Variants in SBNO2 observed in about 807,000 individuals in gnomAD.
The protein encoded by SBNO2 is protein strawberry notch homolog 2.
A neutral mutation model predicts 146.3 loss-of-function variants in SBNO2; 89 were observed. The observed-to-expected ratio is 0.61, with a 90% confidence interval of 0.51 to 0.73. The LOEUF (loss-of-function observed/expected upper bound fraction) is 0.73. SBNO2 is among the 30% of genes least tolerant of loss of function. The probability of loss-of-function intolerance (pLI) is 0.00; values close to 1 mark genes in which losing one functional copy is unlikely to be tolerated. For missense variants in SBNO2, 2,092 were observed against 2,003.7 expected (o/e 1.04, Z -0.84); for synonymous variants, 1,147 against 892.6 (o/e 1.29, Z -5.08).
chr19:1,122,082 T>C (rs1053835147), intron 11 of SBNO2, 57 bp downstream of exon 11: 13 of 694,894 alleles, frequency 1.9e-5, no homozygotes, highest in Admixed American at 5.6e-5. Flanking sequence ...TCCATCCTCC[T>C]TTTCCCTCCG....
rs1481849732 is a variant in SBNO2 at position 1,144,571 on chromosome 19, G to C, written c.279+2738C>G. 6.6e-6 allele frequency among the ~76,000 whole-genome samples: 1 copy of C among 152,044 alleles called. No homozygotes were observed. Among genetic ancestry groups the C allele is most frequent in the Non-Finnish European group, 1.5e-5 (1 of 68,006 alleles). On this transcript the variant is annotated intron_variant, in intron 4 of 31. Transcript: ENST00000361757. The surrounding 1 kb of genome is among the most constrained non-coding windows in gnomAD (Gnocchi z 4.1). ...AGACATGGAGAGAGACAGAGACAGG[G>C]AGACAGAGACGCAGAGACATAGAGA...
In SBNO2 at chr19:1,112,732, G is replaced by A. The variant is rs2079780818; in HGVS notation, c.2379+86C>T. 60 of 1,473,580 alleles carry A rather than the reference G, an allele frequency of 4.1e-5. 3 individuals carry two copies. In the South Asian group the frequency reaches 7.4e-4, roughly 18 times the overall value. 91.3% of individuals were successfully genotyped at this position (1,473,580 alleles called of 1,614,324 possible). A position where few individuals can be genotyped will look rare whatever the true frequency, so the allele number is the denominator to read the frequency against. On this transcript the variant is annotated intron_variant, in intron 20 of 31. Transcript: ENST00000361757. This position sits in a 1 kb window ranked among gnomAD's most constrained non-coding sequence, Gnocchi z 5.9. ...TGGCACACACACACTCCAGAAGTGC[G>A]CGGGTCCACAGTCCCCGGGGACCCT...
chr19:1,172,775 A>ACCCCCCCCCAC (rs200691444), intron 1 of SBNO2, among the ~76,000 whole-genome samples: 1 of 39,606 alleles, frequency 2.5e-5, no homozygotes, highest in Admixed American at 3.9e-4. Context: ...ACTCACTGCA[A>ACCCCCCCCCAC]CCGCCCCCCC....
At chr19:1,124,383 G>A (rs887367547) in intron 5 of SBNO2, among the ~76,000 whole-genome samples, 37 of 152,358 alleles carry the variant, frequency 2.4e-4, no homozygotes, top group Admixed American at 1.2e-3. Flanking sequence ...TGTGGACAGG[G>A]GTCTGACAGG....
chr19:1,150,499 G>A lies in SBNO2; in HGVS notation c.94-1057C>T, dbSNP rs1379191404. Among the ~76,000 whole-genome samples the A allele has an allele frequency of 6.6e-6, 1 of 151,620 alleles. No individual in the cohort carries two copies. Among genetic ancestry groups the A allele is most frequent in the African/African-American group, 2.4e-5 (1 of 41,280 alleles). On this transcript the variant is annotated intron_variant, in intron 2 of 31. Coordinates refer to ENST00000361757, the MANE Select transcript of SBNO2 (RefSeq NM_014963.3). The surrounding 1 kb of genome is among the most constrained non-coding windows in gnomAD (Gnocchi z 6.2). ...TCACGGATGCCCCCACGGTCACGGGGGAGACCCTGCCGTCACGGACGCCCC... is the reference window on the plus strand; with the variant it reads ...TCACGGATGCCCCCACGGTCACGGGAGAGACCCTGCCGTCACGGACGCCCC...
At chr19:1,137,407 G>T (rs1276541735) in intron 4 of SBNO2, among the ~76,000 whole-genome samples, 1 of 2,740 alleles carries the variant, frequency 3.6e-4, no homozygotes, top group African/African-American at 3.4e-3. Context: ...GGTGAGGGGA[G>T]GCTCGGGCCG....
At chr19:1,132,740 C>G (rs1456851820) in intron 4 of SBNO2, among the ~76,000 whole-genome samples, 1 of 152,176 alleles carries the variant, frequency 6.6e-6, no homozygotes, top group Non-Finnish European at 1.5e-5. Context: ...AAAGTCCCCT[C>G]CCTGCTCTTT....
chr19:1,109,077 TCCC>T lies in SBNO2; in HGVS notation c.3425+55_3425+57del. 1 of 1,535,696 alleles carries T rather than the reference TCCC, an allele frequency of 6.5e-7. No homozygotes were observed. The highest frequency in any genetic ancestry group is 8.8e-7 in the Non-Finnish European group (1 of 1,140,788). Reference sequence around the variant, plus strand: ...CTCTCAGGGTCTCGGGAGCCCCCGATCCCCGCCTGGGTCGCCGCCATCTGCCGG... The same window carrying T: ...CTCTCAGGGTCTCGGGAGCCCCCGATCGCCTGGGTCGCCGCCATCTGCCGG... On this transcript the variant is annotated intron_variant, in intron 30 of 31. Transcript: ENST00000361757. The surrounding 1 kb of genome is among the most constrained non-coding windows in gnomAD (Gnocchi z 4.2).
chr19:1,145,304 CAAAA>C (rs34903065), intron 4 of SBNO2, among the ~76,000 whole-genome samples: 2 of 102,800 alleles, frequency 1.9e-5, no homozygotes, highest in Non-Finnish European at 2.1e-5. Context: ...CTGTCTCTAC[CAAAA>C]AAAAAAAAAA....
chr19:1,160,940 C>T lies in SBNO2; in HGVS notation c.-126-6538G>A, dbSNP rs544752556. ...ACCACAAGGGGGCATTTGCTCTGGA[C>T]GGCCCCTCCCAGGGTGGGCAGGGCC... On this transcript the variant is annotated intron_variant, in intron 1 of 31. Coordinates refer to ENST00000361757, the MANE Select transcript of SBNO2 (RefSeq NM_014963.3). Among the ~76,000 whole-genome samples the T allele has an allele frequency of 6.6e-5, 10 of 150,980 alleles. No homozygotes were observed. The South Asian group carries it at 1.1e-3, about 16-fold the overall frequency.
Position 1,112,833 on chromosome 19 carries a change from G to A in SBNO2, c.2364C>T (p.Phe788=), listed in dbSNP as rs1226884387. Residue 788 remains phenylalanine (F), a synonymous_variant, in exon 20 of 32, where the codon TTC becomes TTT. Coordinates refer to ENST00000361757, the MANE Select transcript of SBNO2 (RefSeq NM_014963.3). The surrounding 1 kb of genome is among the most constrained non-coding windows in gnomAD (Gnocchi z 5.9). The part of the protein sequence containing the change: ...DHVNLREKQR[F]MSGEKLVAII... ...AGCCCCGCACCTTCTCGCCGCTCATGAAGCGCTGCTTCTCCCTGAGGTTCA... is the reference window on the plus strand; with the variant it reads ...AGCCCCGCACCTTCTCGCCGCTCATAAAGCGCTGCTTCTCCCTGAGGTTCA... The A allele has an allele frequency of 2.5e-6, 4 of 1,574,318 alleles. No homozygotes were observed. Among genetic ancestry groups the A allele is most frequent in the South Asian group, 1.2e-5 (1 of 85,800 alleles).
chr19:1,129,043 G>C (rs1277141184), intron 4 of SBNO2, among the ~76,000 whole-genome samples: 1 of 150,890 alleles, frequency 6.6e-6, no homozygotes, highest in Non-Finnish European at 1.5e-5. Flanking sequence ...AAGGTGGGCA[G>C]ATCACCTGAG....
intron 1 of SBNO2, among the ~76,000 whole-genome samples, chr19:1,156,232 G>GC (rs897320010): frequency 5.9e-5 from 9 of 152,148 alleles, no homozygotes; most frequent in African/African-American, 2.2e-4. Flanking sequence ...GTCTGTGGAC[G>GC]CCCCTTCCAG....
intron 4 of SBNO2, among the ~76,000 whole-genome samples, chr19:1,142,209 T>C (rs368488586): frequency 0.041 from 38 of 932 alleles, no homozygotes; most frequent in East Asian, 0.14. Flanking sequence ...ATGACCTCCC[T>C]CATGATCAAC....
rs1232209792 is a variant in SBNO2, at chr19:1,150,444, G to A, written c.94-1002C>T. Among the ~76,000 whole-genome samples the A allele has an allele frequency of 2.0e-5, 3 of 151,698 alleles. No individual in the cohort carries two copies. Among genetic ancestry groups the A allele is most frequent in the South Asian group, 2.1e-4 (1 of 4,822 alleles). On this transcript the variant is annotated intron_variant, in intron 2 of 31. Coordinates refer to ENST00000361757, the MANE Select transcript of SBNO2 (RefSeq NM_014963.3). The surrounding 1 kb of genome is among the most constrained non-coding windows in gnomAD (Gnocchi z 6.2). ...GCAGAGAGACCCTGCCGTCACAGAC[G>A]CCCCCACAGTCACGGGGGAGACCCT...
At position 1,144,093 on chromosome 19, in the gene SBNO2, C is replaced by T. The variant is rs1568611385; in HGVS notation, c.279+3216G>A. Among the ~76,000 whole-genome samples the T allele has an allele frequency of 3.3e-5, 5 of 152,206 alleles. No individual in the cohort carries two copies. The highest frequency in any genetic ancestry group is 2.0e-4 in the Admixed American group (3 of 15,282). ...AGGTCTGGGCTCCTTCCTGGCTCCG[C>T]AGAACCACGCGGCCCAGCCCACAGG... On this transcript the variant is annotated intron_variant, in intron 4 of 31. Coordinates refer to ENST00000361757, the MANE Select transcript of SBNO2 (RefSeq NM_014963.3). The surrounding 1 kb of genome is among the most constrained non-coding windows in gnomAD (Gnocchi z 4.1).
At chr19:1,154,824 A>C (rs986493215) in intron 1 of SBNO2, among the ~76,000 whole-genome samples, 1 of 152,288 alleles carries the variant, frequency 6.6e-6, no homozygotes, top group Non-Finnish European at 1.5e-5. Flanking sequence ...CCCAGGGGAC[A>C]CTGGACCCAG....
chr19:1,113,784 G>C lies in SBNO2; in HGVS notation c.2078-80C>G, dbSNP rs995645131. 4 of 1,388,198 alleles carry C rather than the reference G, an allele frequency of 2.9e-6. No individual in the cohort carries two copies. The African/African-American group carries it at 6.1e-5, about 21-fold the overall frequency. The allele number at this position is 1,388,198 out of a possible 1,614,324, so 86.0% of individuals were successfully genotyped here. ...ACCTAACTCAAGGCTGGCCCCTGGA[G>C]GGCAAGGACAAGGGGCCCGGGGCAA... On this transcript the variant is annotated intron_variant, in intron 18 of 31. Coordinates refer to ENST00000361757, the MANE Select transcript of SBNO2 (RefSeq NM_014963.3).
intron 1 of SBNO2, among the ~76,000 whole-genome samples, chr19:1,170,447 G>A (rs998957377): frequency 3.3e-5 from 5 of 152,276 alleles, no homozygotes; most frequent in South Asian, 4.1e-4. Flanking sequence ...CCACACTGCC[G>A]GGCGGACAGC....
Sources: gnomAD v4.1 joint callset for allele counts (sites outside exome capture counted in the v4.1 genomes callset) on GRCh38, gnomAD v4.1.1 for gene constraint, Gnocchi (gnomAD v3.1) non-coding constraint, MANE v1.5 for transcripts, NCBI Gene and HGNC (gene_info 2026-07-23, HGNC 2026-07-21) for gene names.